LAMA2: variants seen among roughly 807,000 people sequenced by gnomAD.
LAMA2 encodes the protein laminin subunit alpha-2.
LAMA2 carries 269 observed loss-of-function variants against 364.8 expected under a neutral mutation model. The observed-to-expected ratio is 0.74, with a 90% CI of 0.67 to 0.82. The LOEUF (loss-of-function observed/expected upper bound fraction) is 0.82. Among genes scored for constraint, LAMA2 ranks in the 40% least tolerant of loss-of-function variants. LAMA2 has a pLI of 0.00. For synonymous variants in LAMA2, 1,379 were observed against 1,370.6 expected (o/e 1.01, Z -0.14); for missense variants, 3,807 against 3,873.2 (o/e 0.98, Z 0.45).
intron 7 of LAMA2, among the ~76,000 whole-genome samples, chr6:129,151,994 T>C (rs913013151): frequency 2.0e-5 from 3 of 152,172 alleles, no homozygotes; most frequent in African/African-American, 7.2e-5. Context: ...TCCATTAACA[T>C]AGCAAAACTA....
intron 1 of LAMA2, among the ~76,000 whole-genome samples, chr6:128,936,765 T>A (rs1779839592): frequency 6.6e-6 from 1 of 152,140 alleles, no homozygotes; most frequent in African/African-American, 2.4e-5. Context: ...GCCACCATGA[T>A]TAGATGAAAT....
chr6:129,220,850 T>C (rs540803538), intron 12 of LAMA2, among the ~76,000 whole-genome samples: 1 of 152,192 alleles, frequency 6.6e-6, no homozygotes, highest in African/African-American at 2.4e-5. Context: ...CTGTGAAAAC[T>C]ATTATTACTA....
At chr6:129,051,722 A>G (rs966212718) in intron 2 of LAMA2, among the ~76,000 whole-genome samples, 1 of 136,074 alleles carries the variant, frequency 7.3e-6, no homozygotes, top group Non-Finnish European at 1.6e-5. Flanking sequence ...ATATCTATAG[A>G]TAGATATATA....
chr6:129,059,926 C>T, intron 3 of LAMA2, 30 bp downstream of exon 3: 1 of 1,240,784 alleles, frequency 8.1e-7, no homozygotes, highest in Non-Finnish European at 1.2e-6. Flanking sequence ...GTCATTTCCA[C>T]TTTTGAAATT....
chr6:129,212,313 G>A (rs1017333092), intron 12 of LAMA2, among the ~76,000 whole-genome samples: 5 of 152,306 alleles, frequency 3.3e-5, no homozygotes, highest in South Asian at 4.1e-4. Context: ...AAGAACTTGA[G>A]CAGGACTCTA....
chr6:129,036,572 A>AAGAG (rs1156743594), intron 1 of LAMA2, among the ~76,000 whole-genome samples: 1 of 152,112 alleles, frequency 6.6e-6, no homozygotes, highest in Non-Finnish European at 1.5e-5. Flanking sequence ...GTTTGGAAGG[A>AAGAG]AGAGAGTAAG....
intron 22 of LAMA2, among the ~76,000 whole-genome samples, chr6:129,305,760 G>A (rs756250794): frequency 6.6e-6 from 1 of 150,616 alleles, no homozygotes; most frequent in Non-Finnish European, 1.5e-5. Flanking sequence ...GTAAATATTG[G>A]TATGATTGGA....
At chr6:129,443,103 C>A in intron 44 of LAMA2, 35 bp downstream of exon 44, 1 of 1,540,278 alleles carries the variant, frequency 6.5e-7, no homozygotes, top group Non-Finnish European at 8.9e-7. Context: ...CTTTTAGTAA[C>A]GCTCATGCTT....
intron 40 of LAMA2, among the ~76,000 whole-genome samples, chr6:129,406,760 G>A (rs1286164856): frequency 6.6e-6 from 1 of 152,120 alleles, no homozygotes; most frequent in East Asian, 1.9e-4. Flanking sequence ...AGAACTAATA[G>A]GATAGATGTA....
chr6:129,292,628 G>A (rs1481538209), intron 20 of LAMA2, among the ~76,000 whole-genome samples: 4 of 152,186 alleles, frequency 2.6e-5, no homozygotes, highest in Admixed American at 1.3e-4. Flanking sequence ...TTGCTCTAGC[G>A]CTTTCACAAA....
rs1354126953 is a variant in LAMA2 at position 129,483,069 on chromosome 6, A to ACC, written c.7749+1630_7749+1631insCC. On this transcript the variant is annotated intron_variant, in intron 55 of 64. Transcript: ENST00000421865. ...GCGACAATGTGAGACTCCGACTCGA[A>ACC]AAAAAAAAAAAAAGAAAAAGAAAAA... 9.6e-3 allele frequency among the ~76,000 whole-genome samples: 1,409 copies of ACC among 147,454 alleles called. 6 individuals carry two copies. The highest frequency in any genetic ancestry group is 0.017 in the Middle Eastern group (5 of 290).
rs1781570538 is a variant in LAMA2 at position 128,962,178 on chromosome 6, A to G, written c.112+78821A>G. 2.3e-5 allele frequency among the ~76,000 whole-genome samples: 3 copies of G among 129,558 alleles called. No homozygotes were observed. The South Asian group carries it at 7.1e-4, about 31-fold the overall frequency. 85.0% of individuals were successfully genotyped at this position (129,558 alleles called of 152,430 possible). Reference sequence around the variant, plus strand: ...TATATATATATATATATATATATATATATATATACACACATACACACACAC... The same window carrying G: ...TATATATATATATATATATATATATGTATATATACACACATACACACACAC... On this transcript the variant is annotated intron_variant, in intron 1 of 64. Coordinates refer to ENST00000421865, the MANE Select transcript of LAMA2 (RefSeq NM_000426.4).
At chr6:129,348,934 T>C (rs1247683716) in intron 30 of LAMA2, among the ~76,000 whole-genome samples, 2 of 152,326 alleles carry the variant, frequency 1.3e-5, no homozygotes, top group African/African-American at 4.8e-5. Context: ...GCTATTCCAC[T>C]ATCAGACAAT....
At chr6:128,987,140 G>GTTTTTTTTTTTT (rs764115716) in intron 1 of LAMA2, among the ~76,000 whole-genome samples, 1 of 121,358 alleles carries the variant, frequency 8.2e-6, no homozygotes, top group Non-Finnish European at 1.7e-5. Context: ...TTTTTTTTTT[G>GTTTTTTTTTTTT]TTTTTTTTTT....
At chr6:128,990,761 G>T (rs1453715737) in intron 1 of LAMA2, among the ~76,000 whole-genome samples, 1 of 152,000 alleles carries the variant, frequency 6.6e-6, no homozygotes, top group Non-Finnish European at 1.5e-5. Flanking sequence ...TTGTGTGGGT[G>T]TGTGTGTGTG....
intron 12 of LAMA2, among the ~76,000 whole-genome samples, chr6:129,195,559 G>T (rs181148537): frequency 5.9e-5 from 9 of 152,298 alleles, no homozygotes; most frequent in African/African-American, 1.9e-4. Context: ...GCTAGGAGTT[G>T]TTCCTCCAAT....
At chr6:128,977,970 A>G (rs1435731390) in intron 1 of LAMA2, among the ~76,000 whole-genome samples, 1 of 152,210 alleles carries the variant, frequency 6.6e-6, no homozygotes, top group Non-Finnish European at 1.5e-5. Context: ...TTTCAGCACT[A>G]TGAGTTGTCC....
chr6:129,426,563 A>G (rs1304064965), intron 40 of LAMA2, among the ~76,000 whole-genome samples: 1 of 152,102 alleles, frequency 6.6e-6, no homozygotes, highest in Admixed American at 6.6e-5. Flanking sequence ...TTCCCAGCAG[A>G]AAACATCATC....
chr6:129,333,366 G>GGTTA (rs1775769019), intron 29 of LAMA2, among the ~76,000 whole-genome samples: 2 of 152,108 alleles, frequency 1.3e-5, no homozygotes, highest in Admixed American at 1.3e-4. Context: ...TGATGCTGAT[G>GGTTA]GTTAGTATAA....
Sources: gnomAD v4.1 joint callset for allele counts (sites outside exome capture counted in the v4.1 genomes callset) on GRCh38, gnomAD v4.1.1 for gene constraint, MANE v1.5 for transcripts, NCBI Gene and HGNC (gene_info 2026-07-23, HGNC 2026-07-21) for gene names.